ARFGEF1: variants seen among roughly 807,000 people sequenced by gnomAD.
ARFGEF1 encodes the protein brefeldin A-inhibited guanine nucleotide-exchange protein 1.
Under a neutral mutation model 231.0 loss-of-function variants are expected in ARFGEF1, and 42 were observed. The ratio of observed to expected loss-of-function variants is 0.18; its 90% CI spans 0.14 to 0.24. The LOEUF is 0.24. Ranked by LOEUF, ARFGEF1 falls within the 10% of genes least tolerant of loss-of-function variation. The pLI is 1.00. For synonymous variants in ARFGEF1, 710 were observed against 732.3 expected (o/e 0.97, Z 0.49); for missense variants, 1,345 against 2,192.0 (o/e 0.61, Z 7.72).
intron 9 of ARFGEF1, among the ~76,000 whole-genome samples, chr8:67,272,295 T>C (rs1191727488): frequency 2.0e-5 from 3 of 152,102 alleles, no homozygotes; most frequent in African/African-American, 7.2e-5. Context: ...GCCTCCCAAG[T>C]AGCTGGGACT....
In ARFGEF1 at chr8:67,222,186, T is replaced by TAC. The variant is rs1563846294; in HGVS notation, c.4209-2627_4209-2626insGT. ...ATGCATATATATATATATACACATA[T>TAC]ATATATATATATATATATACACACA... On this transcript the variant is annotated intron_variant, in intron 29 of 38. Coordinates refer to ENST00000262215, the MANE Select transcript of ARFGEF1 (RefSeq NM_006421.5). Among the ~76,000 whole-genome samples the TAC allele has an allele frequency of 1.3e-3, 169 of 127,966 alleles. 1 individual carries two copies. The highest frequency in any genetic ancestry group is 5.1e-3 in the African/African-American group (162 of 32,026). 84.0% of individuals were successfully genotyped at this position (127,966 alleles called of 152,430 possible). A position where few individuals can be genotyped will look rare whatever the true frequency, so the allele number is the denominator to read the frequency against.
At chr8:67,197,293 AT>A (rs1394066345), downstream of ARFGEF1, among the ~76,000 whole-genome samples, 8 of 151,408 alleles carry the variant, frequency 5.3e-5, no homozygotes, top group South Asian at 4.2e-4. Context: ...AAAAAAAAAA[AT>A]TTTTTTTTAA....
chr8:67,313,132 G>A (rs964236150), intron 1 of ARFGEF1, among the ~76,000 whole-genome samples: 10 of 152,176 alleles, frequency 6.6e-5, no homozygotes, highest in African/African-American at 2.2e-4. Flanking sequence ...GCGATAGTGT[G>A]CACCTGGAAT....
intron 1 of ARFGEF1, among the ~76,000 whole-genome samples, chr8:67,308,757 TTTTA>T (rs1806861106): frequency 6.6e-6 from 1 of 152,196 alleles, no homozygotes; most frequent in Non-Finnish European, 1.5e-5. Context: ...AAGGAAATTT[TTTTA>T]TTTTTTAATT....
In ARFGEF1 at chr8:67,236,365, AATATAT is replaced by A. The variant is rs34297561; in HGVS notation, c.3289+1972_3289+1977del. On this transcript the variant is annotated intron_variant, in intron 22 of 38. Transcript: ENST00000262215. ...GATATTAGTTAAAAAAAAAAAAAAAAATATATATATATATATATATATATATATATA... is the reference window on the plus strand; with the variant it reads ...GATATTAGTTAAAAAAAAAAAAAAAAATATATATATATATATATATATATA... 6.7e-3 allele frequency among the ~76,000 whole-genome samples: 194 copies of A among 28,862 alleles called. 1 individual carries two copies. The highest frequency in any genetic ancestry group is 9.8e-3 in the African/African-American group (74 of 7,538). The allele number at this position is 28,862 out of a possible 152,430, so 18.9% of individuals were successfully genotyped here.
At chr8:67,224,209 C>T (rs1337192511) in intron 29 of ARFGEF1, among the ~76,000 whole-genome samples, 1 of 151,936 alleles carries the variant, frequency 6.6e-6, no homozygotes, top group African/African-American at 2.4e-5. Context: ...ATTTTGTTTA[C>T]CATAAAATTG....
chr8:67,182,175 G>C (rs997944864), intron 5 of ARFGEF1, among the ~76,000 whole-genome samples: 3 of 151,962 alleles, frequency 2.0e-5, no homozygotes, highest in Non-Finnish European at 2.9e-5. Flanking sequence ...AATAATTTTT[G>C]TATTTTTTGT....
At chr8:67,333,216 G>A (rs1366558440) in intron 1 of ARFGEF1, among the ~76,000 whole-genome samples, 1 of 151,790 alleles carries the variant, frequency 6.6e-6, no homozygotes, top group Non-Finnish European at 1.5e-5. Flanking sequence ...TGTATTTTTG[G>A]TAGAGACAGG....
chr8:67,273,209 C>G (rs1174271603), intron 9 of ARFGEF1, among the ~76,000 whole-genome samples: 1 of 151,890 alleles, frequency 6.6e-6, no homozygotes, highest in East Asian at 1.9e-4. Context: ...TAGTTTTTGG[C>G]TTAAAATTTT....
At chr8:67,235,718 A>C (rs1346723709) in intron 22 of ARFGEF1, among the ~76,000 whole-genome samples, 1 of 152,176 alleles carries the variant, frequency 6.6e-6, no homozygotes, top group African/African-American at 2.4e-5. Flanking sequence ...TTTAAAAAAA[A>C]GTTGAGCCCA....
chr8:67,219,112 A>G (rs1287159019), intron 30 of ARFGEF1, among the ~76,000 whole-genome samples: 1 of 152,032 alleles, frequency 6.6e-6, no homozygotes, highest in Non-Finnish European at 1.5e-5. Flanking sequence ...GACTACAGGT[A>G]CCTGCCACCA....
At chr8:67,266,231 G>A (rs1804843229) in intron 13 of ARFGEF1, 24 bp from the exon 14 acceptor site, 4 of 1,583,868 alleles carry the variant, frequency 2.5e-6, no homozygotes, top group Non-Finnish European at 3.5e-6. Context: ...AATTGATAGA[G>A]TACATTATTC....
At chr8:67,274,732 T>C (rs1450959274) in intron 9 of ARFGEF1, among the ~76,000 whole-genome samples, 2 of 152,154 alleles carry the variant, frequency 1.3e-5, no homozygotes, top group Non-Finnish European at 2.9e-5. Flanking sequence ...ATCTGAGGCT[T>C]TAATGGTCAA....
chr8:67,216,512 C>T (rs1838939356), intron 33 of ARFGEF1, 78 bp downstream of exon 33: 1 of 1,264,876 alleles, frequency 7.9e-7, no homozygotes, highest in Non-Finnish European at 1.1e-6. Context: ...AAGACAATTA[C>T]ATGTAAGAAT....
At position 67,292,125 on chromosome 8, in the gene ARFGEF1, T is replaced by C. The variant is rs758229522; in HGVS notation, c.640-2A>G. On this transcript the variant is annotated splice_acceptor_variant, in intron 5 of 38. Coordinates refer to ENST00000262215, the MANE Select transcript of ARFGEF1 (RefSeq NM_006421.5). LOFTEE classifies it high-confidence loss of function. ...TTCCATTTGTTTTGCTTCCTGTAACTGGAAATAAATAAAATTTCCAATATT... is the reference window on the plus strand; with the variant it reads ...TTCCATTTGTTTTGCTTCCTGTAACCGGAAATAAATAAAATTTCCAATATT... 1.9e-6 allele frequency: 3 copies of C among 1,604,354 alleles called. No homozygotes were observed. Among genetic ancestry groups the C allele is most frequent in the Non-Finnish European group, 2.6e-6 (3 of 1,176,424 alleles).
Position 67,216,683 on chromosome 8 carries a change from G to A in ARFGEF1, c.4614-21C>T, listed in dbSNP as rs114154274. ...ACAGCCTTTAAGATACCAAAACCAC[G>A]TCAATCACTAGGGGGCTGTGCCACA... On this transcript the variant is annotated intron_variant, in intron 32 of 38. Coordinates refer to ENST00000262215, the MANE Select transcript of ARFGEF1 (RefSeq NM_006421.5). 7.9e-4 allele frequency: 1,255 copies of A among 1,588,474 alleles called. 5 individuals carry two copies. The African/African-American group carries it at 0.016, about 20-fold the overall frequency.
At chr8:67,264,738 G>C (rs1161275882) in intron 14 of ARFGEF1, among the ~76,000 whole-genome samples, 1 of 152,174 alleles carries the variant, frequency 6.6e-6, no homozygotes, top group East Asian at 1.9e-4. Flanking sequence ...AAGTCTAGCT[G>C]CTGAGAGAAG....
intron 1 of ARFGEF1, among the ~76,000 whole-genome samples, chr8:67,341,413 C>T (rs972785943): frequency 6.9e-5 from 10 of 144,006 alleles, no homozygotes; most frequent in African/African-American, 2.1e-4. Flanking sequence ...ATAGAGAGAC[C>T]GCCATCTCCA....
chr8:67,214,787 G>A (rs1838869438), intron 33 of ARFGEF1, among the ~76,000 whole-genome samples: 1 of 152,168 alleles, frequency 6.6e-6, no homozygotes, highest in Non-Finnish European at 1.5e-5. Flanking sequence ...GGCCAGCCTA[G>A]AATGAAAGGG....
Sources: allele counts gnomAD v4.1 joint callset (sites outside exome capture counted in the v4.1 genomes callset), GRCh38; gene constraint gnomAD v4.1.1; transcripts MANE v1.5; gene names NCBI Gene and HGNC (gene_info 2026-07-23, HGNC 2026-07-21).